TENT4A: variants seen among roughly 807,000 people sequenced by gnomAD.
The protein encoded by TENT4A is terminal nucleotidyltransferase 4A.
TENT4A carries 7 observed loss-of-function variants against 72.8 expected under a neutral mutation model. The observed-to-expected ratio is 0.10, with a 90% CI of 0.05 to 0.18. The LOEUF is 0.18. Ranked by LOEUF, TENT4A falls within the 10% of genes least tolerant of loss-of-function variation. The pLI, the probability that TENT4A is intolerant of heterozygous loss-of-function variation, is 1.00. For missense variants in TENT4A, 831 were observed against 1,017.7 expected, an observed-to-expected ratio of 0.82 and a Z score of 2.50; for synonymous variants, 456 against 434.3, an observed-to-expected ratio of 1.05 and a Z score of -0.62.
intron 1 of TENT4A, among the ~76,000 whole-genome samples, chr5:6,715,974 T>C (rs1006802464): frequency 6.6e-6 from 1 of 152,198 alleles, no homozygotes; most frequent in Non-Finnish European, 1.5e-5. Context: ...TAGCAATATA[T>C]ACCTAAGGGC....
chr5:6,754,642 C>A, intron 12 of TENT4A, 109 bp from the exon 13 acceptor site: 1 of 776,242 alleles, frequency 1.3e-6, no homozygotes, highest in Non-Finnish European at 1.9e-6. Flanking sequence ...GGTGTCCATC[C>A]CTGCTCTCTA....
chr5:6,750,635 G>A (rs917724546), intron 10 of TENT4A, 132 bp downstream of exon 10: 2 of 824,562 alleles, frequency 2.4e-6, no homozygotes, highest in Non-Finnish European at 3.6e-6. Context: ...GTGGAGGTGG[G>A]TGGGGGGCAG....
intron 9 of TENT4A, 105 bp downstream of exon 9, chr5:6,749,762 T>C (rs1210759036): frequency 5.3e-6 from 4 of 749,060 alleles, no homozygotes; most frequent in Middle Eastern, 4.7e-4. Flanking sequence ...AGAAAATAGC[T>C]AGTTTTTCTG....
At position 6,756,198 on chromosome 5, in the gene TENT4A, G is replaced by A. The variant is rs1169620018; in HGVS notation, c.*1253G>A. 3.3e-5 allele frequency: 5 copies of A among 152,656 alleles called. No individual in the cohort carries two copies. The highest frequency in any genetic ancestry group is 7.3e-5 in the Non-Finnish European group (5 of 68,062). The allele number at this position is 152,656 out of a possible 1,614,324, so 9.5% of individuals were successfully genotyped here. The stretch of plus-strand genomic sequence containing the variant: ...CGTCGGAAGCATACAGGTATACTAT[G>A]CAAGTGTATTCTGCCACAACAACCA... On this transcript the variant is annotated 3_prime_UTR_variant, in exon 13 of 13. Transcript: ENST00000230859.
chr5:6,714,825 G>T (rs1341795229), intron 1 of TENT4A, 126 bp downstream of exon 1: 3 of 405,860 alleles, frequency 7.4e-6, no homozygotes, highest in Non-Finnish European at 1.2e-5. Context: ...TAAGGCCAAG[G>T]CCCGACTCTG....
Position 6,755,180 on chromosome 5 carries a change from A to C in TENT4A, c.*235A>C. ...GGACGTTGTTTTCTGCCTTCCCAGG[A>C]TTCTTCCTTCAGTGCTGAGGCAGGT... On this transcript the variant is annotated 3_prime_UTR_variant, in exon 13 of 13. Coordinates refer to ENST00000230859, the MANE Select transcript of TENT4A (RefSeq NM_006999.6). 2 of 404,506 alleles carry C rather than the reference A, an allele frequency of 4.9e-6. No homozygotes were observed. Among genetic ancestry groups the C allele is most frequent in the African/African-American group, 2.0e-5 (1 of 49,274 alleles). The allele number at this position is 404,506 out of a possible 1,614,324, so 25.1% of individuals were successfully genotyped here. A position where few individuals can be genotyped will look rare whatever the true frequency, so the allele number is the denominator to read the frequency against.
At chr5:6,714,752 G>GGCGCCCGCGGTCCTGGCCA in intron 1 of TENT4A, 53 bp downstream of exon 1, 2 of 1,082,368 alleles carry the variant, frequency 1.8e-6, no homozygotes, top group Non-Finnish European at 2.3e-6. Context: ...GGTCCTGGCC[G>GGCGCCCGCGGTCCTGGCCA]GCGCCCGCGG....
chr5:6,748,649 T>C, intron 8 of TENT4A, 59 bp downstream of exon 8: 1 of 1,525,252 alleles, frequency 6.6e-7, no homozygotes, highest in East Asian at 2.3e-5. Flanking sequence ...TACTTATCCC[T>C]TTCCTGTGTC....
At chr5:6,724,013 G>GCAGCTGCCTCAGTCAGCA (rs1334669938) in intron 1 of TENT4A, among the ~76,000 whole-genome samples, 1 of 152,246 alleles carries the variant, frequency 6.6e-6, no homozygotes, top group Non-Finnish European at 1.5e-5. Flanking sequence ...GACTGGCAGC[G>GCAGCTGCCTCAGTCAGCA]CAGCTGCCTC....
At chr5:6,739,278 C>T (rs1229979206) in intron 3 of TENT4A, among the ~76,000 whole-genome samples, 8 of 152,062 alleles carry the variant, frequency 5.3e-5, no homozygotes, top group South Asian at 2.1e-4. Context: ...ATTTGGAGGC[C>T]GAAGAGGCTA....
At chr5:6,750,689 C>T in intron 10 of TENT4A, 186 bp downstream of exon 10, 2 of 580,446 alleles carry the variant, frequency 3.4e-6, no homozygotes, top group Non-Finnish European at 5.9e-6. Context: ...TGCCGTGAAC[C>T]TTCAGAACCT....
intron 1 of TENT4A, among the ~76,000 whole-genome samples, chr5:6,728,650 G>T (rs900014779): frequency 3.9e-5 from 6 of 152,218 alleles, no homozygotes; most frequent in African/African-American, 1.4e-4. Context: ...CAGCATGAGG[G>T]CCTGTGGTGC....
At chr5:6,743,364 C>T (rs1318997122) in intron 5 of TENT4A, among the ~76,000 whole-genome samples, 12 of 152,172 alleles carry the variant, frequency 7.9e-5, no homozygotes, top group South Asian at 4.1e-4. Context: ...TCTCCTGCTC[C>T]GGAGGCCCCC....
intron 8 of TENT4A, among the ~76,000 whole-genome samples, chr5:6,749,115 G>C (rs553023740): frequency 4.6e-5 from 7 of 152,280 alleles, no homozygotes; most frequent in African/African-American, 1.7e-4. Flanking sequence ...AACAGGTTTC[G>C]AGGCCTGGCT....
chr5:6,755,257 C>T lies in TENT4A; in HGVS notation c.*312C>T, dbSNP rs1375549530. 14 of 260,364 alleles carry T rather than the reference C, an allele frequency of 5.4e-5. No individual in the cohort carries two copies. Among genetic ancestry groups the T allele is most frequent in the African/African-American group, 2.9e-4 (13 of 45,274 alleles). The allele number at this position is 260,364 out of a possible 1,614,324, so 16.1% of individuals were successfully genotyped here. A position where few individuals can be genotyped will look rare whatever the true frequency, so the allele number is the denominator to read the frequency against. ...ACATGCGCTTGCGGTTTGAGGTAGCCGTGTCTGTTCCTTCGCGGTTTGCTA... is the reference window on the plus strand; with the variant it reads ...ACATGCGCTTGCGGTTTGAGGTAGCTGTGTCTGTTCCTTCGCGGTTTGCTA... On this transcript the variant is annotated 3_prime_UTR_variant, in exon 13 of 13. Coordinates refer to ENST00000230859, the MANE Select transcript of TENT4A (RefSeq NM_006999.6).
intron 8 of TENT4A, 33 bp from the exon 9 acceptor site, chr5:6,749,524 A>T: frequency 7.1e-7 from 1 of 1,416,566 alleles, no homozygotes. Flanking sequence ...CACCTGTTGT[A>T]CTCTGTTGAT....
chr5:6,714,622 A>G lies in TENT4A; in HGVS notation c.639A>G (p.Gly213=). Residue 213 remains glycine, a synonymous_variant, in exon 1 of 13, where the codon GGA becomes GGG. Coordinates refer to ENST00000230859, the MANE Select transcript of TENT4A (RefSeq NM_006999.6). ...LSGSRAAALS[G]GGGPGAQAPR... ...GCAGCCGCGCGGCCGCTCTCAGCGG[A>G]GGGGGCGGCCCCGGGGCCCAGGCGC... 8.3e-7 allele frequency: 1 copy of G among 1,197,610 alleles called. No individual in the cohort carries two copies. The highest frequency in any genetic ancestry group is 1.6e-5 in the African/African-American group (1 of 62,964). The allele number at this position is 1,197,610 out of a possible 1,614,324, so 74.2% of individuals were successfully genotyped here.
intron 6 of TENT4A, chr5:6,746,005 T>G: frequency 7.2e-7 from 1 of 1,393,780 alleles, no homozygotes; most frequent in South Asian, 1.6e-5. Context: ...CAAACTACAC[T>G]AAAATTCAGA....
intron 1 of TENT4A, among the ~76,000 whole-genome samples, chr5:6,736,393 G>A (rs1367070510): frequency 6.6e-6 from 1 of 152,172 alleles, no homozygotes; most frequent in African/African-American, 2.4e-5. Context: ...CTTCCACTTT[G>A]CCAGCTGTTC....
Sources: allele counts gnomAD v4.1 joint callset (sites outside exome capture counted in the v4.1 genomes callset), GRCh38; gene constraint gnomAD v4.1.1; transcripts MANE v1.5; gene names NCBI Gene and HGNC (gene_info 2026-07-23, HGNC 2026-07-21).